Variants in SLC9A9 observed in about 807,000 individuals in gnomAD.
SLC9A9 encodes the protein solute carrier family 9 member A9, also known as sodium/hydrogen exchanger 9.
In SLC9A9, 62 loss-of-function variants were observed where a neutral mutation model predicts 77.8. The ratio of observed to expected loss-of-function variants is 0.80; its 90% CI spans 0.65 to 0.98. The LOEUF is 0.98. Among genes scored for constraint, SLC9A9 ranks in the 50% least tolerant of loss-of-function variants. The probability of loss-of-function intolerance (pLI) is 0.00; values close to 1 mark genes in which losing one functional copy is unlikely to be tolerated. For synonymous variants in SLC9A9, 320 were observed against 283.5 expected (o/e 1.13, Z -1.29); for missense variants, 775 against 774.9 (o/e 1.00, Z 0.00).
intron 12 of SLC9A9, among the ~76,000 whole-genome samples, chr3:143,396,446 G>A (rs1483308223): frequency 2.0e-5 from 3 of 152,184 alleles, no homozygotes; most frequent in Non-Finnish European, 4.4e-5. Context: ...CCTGTTGTGG[G>A]TTGGGGGGCT....
At chr3:143,722,886 T>A (rs1210731755) in intron 4 of SLC9A9, among the ~76,000 whole-genome samples, 3 of 152,226 alleles carry the variant, frequency 2.0e-5, no homozygotes, top group Non-Finnish European at 4.4e-5. Flanking sequence ...AAGACACCAA[T>A]AACTTGGCTG....
At chr3:143,693,965 T>A (rs567150807) in intron 4 of SLC9A9, among the ~76,000 whole-genome samples, 1 of 152,286 alleles carries the variant, frequency 6.6e-6, no homozygotes, top group South Asian at 2.1e-4. Context: ...GCATGCAAAT[T>A]GTCTGTTTTG....
At chr3:143,505,004 C>T (rs2108599764) in intron 9 of SLC9A9, among the ~76,000 whole-genome samples, 1 of 152,188 alleles carries the variant, frequency 6.6e-6, no homozygotes, top group East Asian at 1.9e-4. Flanking sequence ...ATACACACAT[C>T]TTGTTTGATC....
At position 143,784,076 on chromosome 3, in the gene SLC9A9, C is replaced by T. The variant is rs571881264; in HGVS notation, c.533+10925G>A. On this transcript the variant is annotated intron_variant, in intron 4 of 15. Coordinates refer to ENST00000316549, the MANE Select transcript of SLC9A9 (RefSeq NM_173653.4). ...AGAGATTCCCTCAGCAGAGATGTTG[C>T]TGCAATTACAGCTAATATGGCCACA... 5.3e-5 allele frequency among the ~76,000 whole-genome samples: 8 copies of T among 152,328 alleles called. No homozygotes were observed. In the East Asian group the frequency reaches 5.8e-4, roughly 11 times the overall value.
chr3:143,648,332 T>C (rs1230314375), intron 6 of SLC9A9, among the ~76,000 whole-genome samples: 1 of 152,106 alleles, frequency 6.6e-6, no homozygotes, highest in Non-Finnish European at 1.5e-5. Flanking sequence ...GGGGATGGCT[T>C]CGGGATGAAA....
At chr3:143,324,743 G>A (rs2031525864) in intron 14 of SLC9A9, among the ~76,000 whole-genome samples, 1 of 152,106 alleles carries the variant, frequency 6.6e-6, no homozygotes, top group African/African-American at 2.4e-5. Context: ...GATCACCTGA[G>A]CCCAGGAAGA....
intron 8 of SLC9A9, among the ~76,000 whole-genome samples, chr3:143,565,203 ATGTATTCACTCACT>A (rs2037149261): frequency 6.6e-6 from 1 of 152,152 alleles, no homozygotes; most frequent in Non-Finnish European, 1.5e-5. Flanking sequence ...CTTTTGGCGC[ATGTATTCACTCACT>A]TGTATTCTCC....
At chr3:143,835,709 AG>A (rs2009551315) in intron 1 of SLC9A9, among the ~76,000 whole-genome samples, 1 of 152,244 alleles carries the variant, frequency 6.6e-6, no homozygotes, top group Non-Finnish European at 1.5e-5. Flanking sequence ...TCACAGAAGA[AG>A]GAAAGAGGAG....
intron 2 of SLC9A9, among the ~76,000 whole-genome samples, chr3:143,820,412 C>A (rs777756083): frequency 6.6e-6 from 1 of 152,220 alleles, no homozygotes; most frequent in Non-Finnish European, 1.5e-5. Flanking sequence ...TCTTGATGCA[C>A]AAACTCACCT....
chr3:143,616,205 A>G (rs2038104534), intron 6 of SLC9A9, among the ~76,000 whole-genome samples: 1 of 152,148 alleles, frequency 6.6e-6, no homozygotes, highest in South Asian at 2.1e-4. Flanking sequence ...TCTTTACAGT[A>G]CAATATTCTG....
At chr3:143,493,956 T>C (rs1300469463) in intron 10 of SLC9A9, among the ~76,000 whole-genome samples, 192 bp from the exon 11 acceptor site, 1 of 152,220 alleles carries the variant, frequency 6.6e-6, no homozygotes, top group African/African-American at 2.4e-5. Flanking sequence ...CCAGAAATAA[T>C]AGAGAACTCT....
chr3:143,295,334 C>T (rs139553874), intron 14 of SLC9A9, among the ~76,000 whole-genome samples: 2,052 of 152,316 alleles, frequency 0.013, 15 homozygotes, highest in Non-Finnish European at 0.02. Context: ...TGCATGACTT[C>T]CTTGCCCTGT....
chr3:143,797,189 T>TAAAATATATATGTATATAAAATATCTATA (rs71304253), intron 2 of SLC9A9, among the ~76,000 whole-genome samples: 1 of 147,780 alleles, frequency 6.8e-6, no homozygotes, highest in African/African-American at 2.5e-5. Context: ...TATATATATA[T>TAAAATATATATGTATATAAAATATCTATA]AAAATATATA....
intron 12 of SLC9A9, among the ~76,000 whole-genome samples, chr3:143,414,424 C>T (rs1165972762): frequency 6.6e-6 from 1 of 152,184 alleles, no homozygotes. Flanking sequence ...AAGTTTGTGG[C>T]AACTGTATGT....
chr3:143,444,801 G>A lies in SLC9A9; in HGVS notation c.1469+22236C>T, dbSNP rs73867639. The stretch of plus-strand genomic sequence containing the variant: ...GTGAGGGGACAGAGGAAAAGGAAGA[G>A]GTAAATGGGAAAGAAAGGTTTCATT... On this transcript the variant is annotated intron_variant, in intron 12 of 15. Coordinates refer to ENST00000316549, the MANE Select transcript of SLC9A9 (RefSeq NM_173653.4). Among the ~76,000 whole-genome samples the A allele has an allele frequency of 3.2e-3, 484 of 152,288 alleles. 1 individual carries two copies. Among genetic ancestry groups the A allele is most frequent in the African/African-American group, 0.011 (457 of 41,554 alleles).
At chr3:143,796,371 A>G (rs1012014426) in intron 3 of SLC9A9, among the ~76,000 whole-genome samples, 1 of 152,246 alleles carries the variant, frequency 6.6e-6, no homozygotes, top group South Asian at 2.1e-4. Flanking sequence ...TGCAAGCCAC[A>G]TATTTAAAAA....
At chr3:143,695,135 T>C (rs1007904191) in intron 4 of SLC9A9, among the ~76,000 whole-genome samples, 8 of 152,100 alleles carry the variant, frequency 5.3e-5, no homozygotes, top group Non-Finnish European at 1.2e-4. Context: ...TTGACAAGTA[T>C]AGGGTAGCTT....
chr3:143,830,513 G>A (rs994686007), intron 2 of SLC9A9, among the ~76,000 whole-genome samples: 27 of 152,146 alleles, frequency 1.8e-4, no homozygotes, highest in Non-Finnish European at 8.8e-5. Context: ...AAAATTTCTG[G>A]TCAGGCATTT....
At position 143,329,610 on chromosome 3, in the gene SLC9A9, T is replaced by G. The variant is rs1235524767; in HGVS notation, c.1604+33874A>C. 2.6e-5 allele frequency among the ~76,000 whole-genome samples: 4 copies of G among 152,342 alleles called. No homozygotes were observed. In the East Asian group the frequency reaches 5.8e-4, roughly 22 times the overall value. On this transcript the variant is annotated intron_variant, in intron 14 of 15. Transcript: ENST00000316549. The stretch of plus-strand genomic sequence containing the variant: ...GCGCGTGCTGCTCCTCATGGGCAGC[T>G]GCAGTCCGCCCATCGTCTCTGGGGC...
Sources: allele counts gnomAD v4.1 joint callset (sites outside exome capture counted in the v4.1 genomes callset), GRCh38; gene constraint gnomAD v4.1.1; transcripts MANE v1.5; gene names NCBI Gene and HGNC (gene_info 2026-07-23, HGNC 2026-07-21).